RIN2: variants seen among roughly 807,000 people sequenced by gnomAD.
The protein encoded by RIN2 is RAB5 interacting protein 2.
Under a neutral mutation model 78.0 loss-of-function variants are expected in RIN2, and 36 were observed. That is an observed-to-expected ratio of 0.46 (90% CI 0.35 to 0.61). RIN2 has a LOEUF of 0.61. Among genes scored for constraint, RIN2 ranks in the 20% least tolerant of loss-of-function variants. RIN2 has a pLI of 0.00. For missense variants in RIN2, 1,087 were observed against 1,159.7 expected, an observed-to-expected ratio of 0.94 and a Z score of 0.91; for synonymous variants, 466 against 466.8, an observed-to-expected ratio of 1.00 and a Z score of 0.02.
intron 4 of RIN2, among the ~76,000 whole-genome samples, chr20:19,936,871 T>C (rs1270075778): frequency 4.6e-5 from 7 of 152,210 alleles, no homozygotes. Flanking sequence ...ATTTGGCTTT[T>C]TTTTAACAGA....
At chr20:19,855,049 C>T (rs1183269991) in intron 2 of RIN2, among the ~76,000 whole-genome samples, 9 of 152,218 alleles carry the variant, frequency 5.9e-5, no homozygotes, top group South Asian at 4.1e-4. Context: ...TTTTGAGATA[C>T]GTCCCATCAA....
At chr20:19,911,607 C>T (rs934897329) in intron 3 of RIN2, among the ~76,000 whole-genome samples, 41 of 152,354 alleles carry the variant, frequency 2.7e-4, no homozygotes, top group Middle Eastern at 3.4e-3. Context: ...TAACCCACAG[C>T]TCATTTTCAG....
chr20:19,893,178 T>C (rs911379), intron 3 of RIN2, among the ~76,000 whole-genome samples: 93,337 of 152,028 alleles, frequency 0.61, 28,792 homozygotes, highest in East Asian at 0.7. Flanking sequence ...CGGACTTCGA[T>C]TTGAGAGCTG....
chr20:19,928,315 A>G (rs2040307992), intron 3 of RIN2, among the ~76,000 whole-genome samples: 1 of 152,172 alleles, frequency 6.6e-6, no homozygotes, highest in Non-Finnish European at 1.5e-5. Flanking sequence ...TGGGTCGCCC[A>G]AGGCGACCCA....
chr20:19,777,350 C>A (rs2034346021), intron 1 of RIN2, among the ~76,000 whole-genome samples: 1 of 152,226 alleles, frequency 6.6e-6, no homozygotes, highest in African/African-American at 2.4e-5. Flanking sequence ...TCCCACCTAT[C>A]GAGAAGCCTG....
chr20:19,884,424 A>G (rs2123456977), intron 2 of RIN2, among the ~76,000 whole-genome samples: 1 of 152,300 alleles, frequency 6.6e-6, no homozygotes, highest in African/African-American at 2.4e-5. Flanking sequence ...ACCCTGTCTC[A>G]AAAACAATAA....
At chr20:19,862,849 C>T (rs564699854) in intron 2 of RIN2, among the ~76,000 whole-genome samples, 1 of 152,170 alleles carries the variant, frequency 6.6e-6, no homozygotes. Flanking sequence ...GCCAAATGCA[C>T]GTTTTCTGAG....
intron 1 of RIN2, among the ~76,000 whole-genome samples, chr20:19,782,708 T>A (rs1347812205): frequency 6.6e-6 from 1 of 152,188 alleles, no homozygotes. Flanking sequence ...TCTAAATGCC[T>A]CCCTTCCTCC....
chr20:19,862,812 G>A (rs1568552769), intron 2 of RIN2, among the ~76,000 whole-genome samples: 1 of 152,276 alleles, frequency 6.6e-6, no homozygotes, highest in Middle Eastern at 3.4e-3. Context: ...CAGTGCTTGG[G>A]AGCACAGTCC....
chr20:19,833,836 G>T (rs1054994677), intron 2 of RIN2, among the ~76,000 whole-genome samples: 4 of 152,112 alleles, frequency 2.6e-5, no homozygotes, highest in African/African-American at 9.7e-5. Flanking sequence ...CAGTCCCCTC[G>T]CCCCAGTGCA....
In RIN2 at chr20:20,001,188, T is replaced by C; in HGVS notation, c.*252T>C. 1 of 480,260 alleles carries C rather than the reference T, an allele frequency of 2.1e-6. No homozygotes were observed. The highest frequency in any genetic ancestry group is 3.7e-6 in the Non-Finnish European group (1 of 267,054). The allele number at this position is 480,260 out of a possible 1,614,324, so 29.7% of individuals were successfully genotyped here. A position where few individuals can be genotyped will look rare whatever the true frequency, so the allele number is the denominator to read the frequency against. On this transcript the variant is annotated 3_prime_UTR_variant, in exon 13 of 13. Transcript: ENST00000255006. Reference sequence around the variant, plus strand: ...ATGGTTCAAGTGTCCTGAGATTGTTTGCTACCTACCCCCAGTCAGGTTCTA... The same window carrying C: ...ATGGTTCAAGTGTCCTGAGATTGTTCGCTACCTACCCCCAGTCAGGTTCTA...
At chr20:19,904,220 A>G (rs1352562202) in intron 3 of RIN2, among the ~76,000 whole-genome samples, 1 of 116,646 alleles carries the variant, frequency 8.6e-6, no homozygotes, top group Non-Finnish European at 1.8e-5. Flanking sequence ...TGACAGAATG[A>G]GACTTCGTCT....
chr20:19,942,356 T>A (rs6112671), intron 4 of RIN2, among the ~76,000 whole-genome samples: 1 of 152,066 alleles, frequency 6.6e-6, no homozygotes, highest in East Asian at 1.9e-4. Context: ...CATTAACGAA[T>A]AAGAAGTGTA....
At chr20:19,853,620 T>C (rs904716216) in intron 2 of RIN2, among the ~76,000 whole-genome samples, 4 of 152,238 alleles carry the variant, frequency 2.6e-5, no homozygotes, top group African/African-American at 9.6e-5. Context: ...GATTTGCATT[T>C]CTCTGATGGC....
In RIN2 at chr20:19,806,006, A is replaced by T. The variant is rs1600498146; in HGVS notation, c.-37+6259A>T. 2.0e-5 allele frequency among the ~76,000 whole-genome samples: 3 copies of T among 152,228 alleles called. No individual in the cohort carries two copies. The South Asian group carries it at 6.2e-4, about 32-fold the overall frequency. On this transcript the variant is annotated intron_variant, in intron 2 of 12. Transcript: ENST00000255006. ...TCCTTGTGATAGTTTGCTGAGAATGATGGTTTCCATCTTCATCCATGTCCC... is the reference window on the plus strand; with the variant it reads ...TCCTTGTGATAGTTTGCTGAGAATGTTGGTTTCCATCTTCATCCATGTCCC...
At chr20:19,779,482 C>T (rs1000244177) in intron 1 of RIN2, among the ~76,000 whole-genome samples, 4 of 152,090 alleles carry the variant, frequency 2.6e-5, no homozygotes, top group South Asian at 2.1e-4. Context: ...TGTACCTCAG[C>T]GGGGTATAGC....
At chr20:19,780,101 C>G (rs1169780016) in intron 1 of RIN2, among the ~76,000 whole-genome samples, 2 of 152,178 alleles carry the variant, frequency 1.3e-5, no homozygotes, top group African/African-American at 4.8e-5. Context: ...ACACCAATGC[C>G]TCATTGACTC....
At chr20:19,881,641 AT>A (rs1186763316) in intron 2 of RIN2, among the ~76,000 whole-genome samples, 1 of 152,144 alleles carries the variant, frequency 6.6e-6, no homozygotes, top group Non-Finnish European at 1.5e-5. Flanking sequence ...CAGTGCTGCA[AT>A]CAGAGCTCAC....
intron 3 of RIN2, 129 bp from the exon 4 acceptor site, chr20:19,934,967 TAAA>T (rs370429459): frequency 2.0e-3 from 990 of 505,692 alleles, no homozygotes; most frequent in South Asian, 3.3e-3. Flanking sequence ...GAGCCAAGAT[TAAA>T]AAAAAAAAAA....
Sources: gnomAD v4.1 joint callset for allele counts (sites outside exome capture counted in the v4.1 genomes callset) on GRCh38, gnomAD v4.1.1 for gene constraint, MANE v1.5 for transcripts, NCBI Gene and HGNC (gene_info 2026-07-23, HGNC 2026-07-21) for gene names.